LRP1B: variants seen among roughly 807,000 people sequenced by gnomAD.
LRP1B encodes the protein LDL receptor related protein 1B, also known as low-density lipoprotein receptor-related protein 1B.
LRP1B carries 217 observed loss-of-function variants against 556.6 expected under a neutral mutation model. That is an observed-to-expected ratio of 0.39 (90% CI 0.35 to 0.44). The LOEUF (loss-of-function observed/expected upper bound fraction) is 0.44. Among genes scored for constraint, LRP1B ranks in the 20% least tolerant of loss-of-function variants. LRP1B has a pLI of 1.00. For synonymous variants in LRP1B, 2,047 were observed against 1,865.8 expected, an observed-to-expected ratio of 1.10 and a Z score of -2.50; for missense variants, 5,053 against 5,620.8, an observed-to-expected ratio of 0.90 and a Z score of 3.23.
chr2:140,262,235 A>T (rs1423594184), intron 86 of LRP1B, among the ~76,000 whole-genome samples: 1 of 152,172 alleles, frequency 6.6e-6, no homozygotes, highest in Non-Finnish European at 1.5e-5. Context: ...ATAACACCAT[A>T]TATCACAGTG....
intron 2 of LRP1B, among the ~76,000 whole-genome samples, chr2:141,744,956 G>T (rs1406609334): frequency 6.6e-6 from 1 of 152,134 alleles, no homozygotes; most frequent in Non-Finnish European, 1.5e-5. Flanking sequence ...GGTACTACTT[G>T]GTGATCTTGG....
chr2:142,130,619 G>GT, intron 1 of LRP1B, 29 bp downstream of exon 1: 1 of 1,583,704 alleles, frequency 6.3e-7, no homozygotes, highest in Non-Finnish European at 8.6e-7. Flanking sequence ...GGAAGTCAGG[G>GT]GAGGGGAGCG....
At chr2:141,523,438 G>A (rs1284783822) in intron 2 of LRP1B, among the ~76,000 whole-genome samples, 3 of 151,990 alleles carry the variant, frequency 2.0e-5, no homozygotes, top group Admixed American at 2.0e-4. Flanking sequence ...AATAATGAAA[G>A]TAATTGCCAA....
intron 7 of LRP1B, among the ~76,000 whole-genome samples, chr2:141,106,141 G>A (rs561758115): frequency 2.6e-5 from 4 of 152,148 alleles, no homozygotes; most frequent in Admixed American, 2.6e-4. Context: ...ATAATTTAAA[G>A]GCTCAGTCTC....
At chr2:140,345,777 TACATATATATAC>T (rs1681630673) in intron 77 of LRP1B, among the ~76,000 whole-genome samples, 1 of 132,384 alleles carries the variant, frequency 7.6e-6, no homozygotes, top group Non-Finnish European at 1.6e-5. Flanking sequence ...CACATATATA[TACATATATATAC>T]ACATATATAC....
intron 41 of LRP1B, among the ~76,000 whole-genome samples, chr2:140,624,828 C>T (rs522243): frequency 0.5 from 76,325 of 151,956 alleles, 19,691 homozygotes; most frequent in African/African-American, 0.62. Context: ...AAAGATACTC[C>T]TTTAGATGGG....
intron 86 of LRP1B, among the ~76,000 whole-genome samples, chr2:140,265,765 C>T (rs775891523): frequency 1.4e-4 from 21 of 151,982 alleles, no homozygotes; most frequent in Admixed American, 8.5e-4. Flanking sequence ...AATTGAGATC[C>T]GTGACTAAAA....
chr2:141,302,815 G>A (rs566974784), intron 3 of LRP1B, among the ~76,000 whole-genome samples: 4 of 152,036 alleles, frequency 2.6e-5, no homozygotes, highest in African/African-American at 4.8e-5. Context: ...TGTTATACAT[G>A]ATTTAAGTAC....
intron 43 of LRP1B, among the ~76,000 whole-genome samples, chr2:140,551,149 T>C (rs1301810854): frequency 6.6e-6 from 1 of 152,198 alleles, no homozygotes; most frequent in Admixed American, 6.6e-5. Context: ...CCACCCAGTC[T>C]ATGGCATTTT....
intron 32 of LRP1B, among the ~76,000 whole-genome samples, chr2:140,793,827 A>G (rs973707685): frequency 6.6e-6 from 1 of 152,046 alleles, no homozygotes; most frequent in African/African-American, 2.4e-5. Flanking sequence ...GTACTCTTGA[A>G]TCAGAAAATG....
intron 3 of LRP1B, among the ~76,000 whole-genome samples, chr2:141,325,816 G>C (rs1687409415): frequency 6.6e-6 from 1 of 151,978 alleles, no homozygotes; most frequent in Non-Finnish European, 1.5e-5. Context: ...AAATTGTGAA[G>C]GACTAAAGTT....
intron 81 of LRP1B, 41 bp from the exon 82 acceptor site, chr2:140,322,129 A>G: frequency 1.3e-6 from 2 of 1,573,496 alleles, no homozygotes; most frequent in Non-Finnish European, 1.7e-6. Flanking sequence ...GTAAATATAG[A>G]TACAATAGGC....
chr2:141,384,038 T>C (rs185734062), intron 3 of LRP1B, among the ~76,000 whole-genome samples: 114 of 152,312 alleles, frequency 7.5e-4, no homozygotes, highest in Admixed American at 1.6e-3. Context: ...ACCATAACTA[T>C]GGCTATGTTA....
chr2:140,666,826 C>T (rs753728026), intron 41 of LRP1B, among the ~76,000 whole-genome samples: 20 of 152,120 alleles, frequency 1.3e-4, no homozygotes, highest in African/African-American at 4.3e-4. Context: ...CGGGAAAACA[C>T]CAGAAAGAAA....
intron 66 of LRP1B, among the ~76,000 whole-genome samples, chr2:140,426,894 C>G (rs993678365): frequency 4.6e-5 from 7 of 152,132 alleles, no homozygotes; most frequent in African/African-American, 1.4e-4. Context: ...ATCCACCTAC[C>G]ACCTCAGGTC....
intron 2 of LRP1B, among the ~76,000 whole-genome samples, chr2:141,505,254 C>T (rs1299035481): frequency 6.6e-6 from 1 of 151,892 alleles, no homozygotes; most frequent in African/African-American, 2.4e-5. Context: ...CTCCCTGTAA[C>T]CATTTCTTCA....
At chr2:141,987,907 T>C (rs200186114) in intron 1 of LRP1B, among the ~76,000 whole-genome samples, 1 of 3,086 alleles carries the variant, frequency 3.2e-4, no homozygotes, top group Non-Finnish European at 6.0e-4. Flanking sequence ...TGTAAAGCAA[T>C]GATTTCATAG....
chr2:141,660,397 G>T (rs1421717035), intron 2 of LRP1B, among the ~76,000 whole-genome samples: 2 of 139,106 alleles, frequency 1.4e-5, no homozygotes, highest in Non-Finnish European at 3.2e-5. Flanking sequence ...CTCAGTGGCC[G>T]CCTGGCTGGA....
intron 29 of LRP1B, 97 bp from the exon 30 acceptor site, chr2:140,841,189 T>G: frequency 1.3e-6 from 1 of 749,640 alleles, no homozygotes; most frequent in South Asian, 2.3e-5. Flanking sequence ...AAATTTAATT[T>G]ATACTTTAAT....
Sources: gnomAD v4.1 joint callset for allele counts (sites outside exome capture counted in the v4.1 genomes callset) on GRCh38, gnomAD v4.1.1 for gene constraint, MANE v1.5 for transcripts, NCBI Gene and HGNC (gene_info 2026-07-23, HGNC 2026-07-21) for gene names.